Variants in PLS3 observed in about 807,000 individuals in gnomAD.
The protein encoded by PLS3 is plastin 3, also known as plastin-3.
In PLS3, 11 loss-of-function variants were observed where a neutral mutation model predicts 46.5. The ratio of observed to expected loss-of-function variants is 0.24; its 90% CI spans 0.15 to 0.39. The LOEUF (loss-of-function observed/expected upper bound fraction) is 0.39. Ranked by LOEUF, PLS3 falls within the 10% of genes least tolerant of loss-of-function variation. The probability of loss-of-function intolerance (pLI) is 1.00; values close to 1 mark genes in which losing one functional copy is unlikely to be tolerated. For synonymous variants in PLS3, 167 were observed against 162.2 expected (o/e 1.03, Z -0.22); for missense variants, 308 against 461.8 (o/e 0.67, Z 3.05).
At chrX:115,631,196 C>T (rs1181772384) in intron 5 of PLS3, among the ~76,000 whole-genome samples, 1 of 105,581 alleles carries the variant, frequency 9.5e-6, no homozygotes, top group Non-Finnish European at 1.9e-5. Flanking sequence ...GCTGGGACTA[C>T]AGGCATGCAC....
chrX:115,610,853 G>T (rs1208045626), intron 2 of PLS3: 21 of 1,104,414 alleles, frequency 1.9e-5, no homozygotes, highest in Non-Finnish European at 2.5e-5. Context: ...AGATGAGAAG[G>T]CATAGCATGC....
At chrX:115,597,655 T>C (rs1489910610) in intron 1 of PLS3, among the ~76,000 whole-genome samples, 1 of 112,153 alleles carries the variant, frequency 8.9e-6, no homozygotes, top group East Asian at 2.8e-4. Context: ...TCTGGCATGA[T>C]ATGGTTTTGT....
chrX:115,600,020 A>G (rs1162681444), intron 1 of PLS3, among the ~76,000 whole-genome samples: 1 of 111,512 alleles, frequency 9.0e-6, no homozygotes, highest in East Asian at 2.8e-4. Flanking sequence ...CCCTAATACA[A>G]TTTAGGGAAT....
At chrX:115,637,201 T>C (rs1556640401) in intron 8 of PLS3, among the ~76,000 whole-genome samples, 1 of 112,052 alleles carries the variant, frequency 8.9e-6, no homozygotes, top group South Asian at 3.7e-4. Context: ...TATCATATTA[T>C]AATGCTAATT....
intron 2 of PLS3, among the ~76,000 whole-genome samples, chrX:115,616,056 A>G (rs2074595982): frequency 8.9e-6 from 1 of 112,029 alleles, no homozygotes; most frequent in Non-Finnish European, 1.9e-5. Flanking sequence ...TTGTGATTTT[A>G]GTTTCCAGTT....
chrX:115,584,197 A>G (rs2074294804), intron 1 of PLS3, among the ~76,000 whole-genome samples: 1 of 111,920 alleles, frequency 8.9e-6, no homozygotes, highest in Admixed American at 9.6e-5. Flanking sequence ...TATGAAATAA[A>G]CCACTATAAT....
At chrX:115,649,311 C>A in intron 15 of PLS3, 118 bp from the exon 16 acceptor site, 1 of 536,145 alleles carries the variant, frequency 1.9e-6, no homozygotes, top group Non-Finnish European at 2.8e-6. Context: ...CTAATTGGAA[C>A]TATCAATATG....
rs782772476 is a variant in PLS3, at chrX:115,646,525, C to T, written c.1501C>T (p.Leu501=). 8.3e-7 allele frequency: 1 copy of T among 1,210,581 alleles called. No homozygotes were observed. Among genetic ancestry groups the T allele is most frequent in the Non-Finnish European group, 1.1e-6 (1 of 894,719 alleles). ...CCTGACTTTAGCTTTAGTCTGGCAG[C>T]TGATGAGAAGGTATAGTACACAATT... ...QTLTLALVWQ[L]MRRYTLNVLE... is the part of the protein sequence containing the mutation. Residue 501 remains leucine (L), a synonymous_variant, in exon 13 of 16, where the codon CTG becomes TTG. Coordinates refer to ENST00000355899, the MANE Select transcript of PLS3 (RefSeq NM_005032.7).
At chrX:115,618,232 C>T (rs2074615379) in intron 2 of PLS3, among the ~76,000 whole-genome samples, 1 of 112,144 alleles carries the variant, frequency 8.9e-6, no homozygotes, top group African/African-American at 3.2e-5. Context: ...TCCATTATAA[C>T]ACTGAGAATA....
At chrX:115,634,854 C>T (rs2074814399) in intron 6 of PLS3, 27 bp from the exon 7 acceptor site, 1 of 1,186,551 alleles carries the variant, frequency 8.4e-7, no homozygotes, top group Non-Finnish European at 1.1e-6. Flanking sequence ...GGTCAAGAAG[C>T]AAGTGTGTAA....
chrX:115,602,057 G>A lies in PLS3; in HGVS notation c.-8-8186G>A, dbSNP rs148924150. On this transcript the variant is annotated intron_variant, in intron 1 of 15. Coordinates refer to ENST00000355899, the MANE Select transcript of PLS3 (RefSeq NM_005032.7). ...GTCTCTCTGAGAATGCCCTTACTGG[G>A]GATGTCTATCTGAGAAAATCCTACT... is the stretch of plus-strand genomic sequence containing the variant. Among the ~76,000 whole-genome samples the A allele has an allele frequency of 5.7e-3, 630 of 111,425 alleles. 3 individuals are homozygous for A. Among genetic ancestry groups the A allele is most frequent in the African/African-American group, 0.019 (596 of 30,641 alleles).
chrX:115,635,954 G>A (rs1475617754), intron 7 of PLS3, among the ~76,000 whole-genome samples: 1 of 110,084 alleles, frequency 9.1e-6, no homozygotes, highest in Non-Finnish European at 1.9e-5. Flanking sequence ...CATGGAGGCA[G>A]AGGTTGCAGT....
At chrX:115,647,421 G>T in intron 13 of PLS3, 129 bp from the exon 14 acceptor site, 1 of 647,767 alleles carries the variant, frequency 1.5e-6, no homozygotes, top group South Asian at 3.1e-5. Flanking sequence ...GCGACAGAGC[G>T]AGACTCCGTC....
intron 3 of PLS3, 117 bp downstream of exon 3, chrX:115,622,526 T>TATAACTA (rs374173011): frequency 0.014 from 5,611 of 408,448 alleles, 260 homozygotes; most frequent in African/African-American, 0.13. Flanking sequence ...TTAGTACTGT[T>TATAACTA]ATAACATTTC....
chrX:115,574,029 A>G (rs1384351139), intron 1 of PLS3, among the ~76,000 whole-genome samples: 1 of 111,337 alleles, frequency 9.0e-6, no homozygotes, highest in Admixed American at 9.6e-5. Context: ...CAAATTGAGC[A>G]GGAATACGTA....
chrX:115,622,113 C>T, intron 2 of PLS3, 133 bp from the exon 3 acceptor site: 1 of 513,048 alleles, frequency 1.9e-6, no homozygotes, highest in South Asian at 3.6e-5. Flanking sequence ...TTTCAAACAA[C>T]TTTATGTTCC....
intron 1 of PLS3, among the ~76,000 whole-genome samples, chrX:115,604,583 T>C (rs2074473680): frequency 8.9e-6 from 1 of 111,910 alleles, no homozygotes; most frequent in Non-Finnish European, 1.9e-5. Context: ...AACATCTTTC[T>C]GTTAAAACAT....
chrX:115,567,790 C>T (rs781891089), intron 1 of PLS3, among the ~76,000 whole-genome samples: 1 of 96,910 alleles, frequency 1.0e-5, no homozygotes, highest in South Asian at 5.1e-4. Flanking sequence ...AAATACAAGT[C>T]TGATTCCCTT....
chrX:115,625,648 A>G (rs1556638383), intron 3 of PLS3, among the ~76,000 whole-genome samples: 2 of 111,110 alleles, frequency 1.8e-5, no homozygotes, highest in Non-Finnish European at 3.8e-5. Flanking sequence ...TAGGCCTACA[A>G]GACATTCCAA....
Sources: allele counts gnomAD v4.1 joint callset (sites outside exome capture counted in the v4.1 genomes callset), GRCh38; gene constraint gnomAD v4.1.1; transcripts MANE v1.5; gene names NCBI Gene and HGNC (gene_info 2026-07-23, HGNC 2026-07-21).